Variants in RIMS2 observed in about 807,000 individuals in gnomAD.
RIMS2 encodes the protein regulating synaptic membrane exocytosis 2, also known as regulating synaptic membrane exocytosis protein 2.
Under a neutral mutation model 174.4 loss-of-function variants are expected in RIMS2, and 59 were observed. That is an observed-to-expected ratio of 0.34 (90% CI 0.27 to 0.42). The LOEUF (loss-of-function observed/expected upper bound fraction) is 0.42. Among genes scored for constraint, RIMS2 ranks in the 10% least tolerant of loss-of-function variants. The pLI is 1.00. For missense variants in RIMS2, 1,620 were observed against 1,666.3 expected (o/e 0.97, Z 0.48); for synonymous variants, 606 against 572.5 (o/e 1.06, Z -0.84).
chr8:104,058,625 A>G (rs2096918127), intron 19 of RIMS2, among the ~76,000 whole-genome samples: 1 of 151,586 alleles, frequency 6.6e-6, no homozygotes, highest in South Asian at 2.1e-4. Flanking sequence ...TTGGTGTTTT[A>G]GACATGAAGT....
chr8:103,514,948 CACAA>C (rs1586589400), intron 1 of RIMS2, among the ~76,000 whole-genome samples: 1 of 151,742 alleles, frequency 6.6e-6, no homozygotes, highest in Non-Finnish European at 1.5e-5. Context: ...AAAAAACACA[CACAA>C]AACAAAAAAC....
intron 2 of RIMS2, among the ~76,000 whole-genome samples, chr8:103,763,348 T>A (rs28541426): frequency 0.39 from 58,678 of 151,294 alleles, 11,764 homozygotes; most frequent in African/African-American, 0.44. Flanking sequence ...AGGCAGGAGA[T>A]TCATTTTAAC....
At position 103,936,599 on chromosome 8, in the gene RIMS2, C is replaced by A. The variant is rs762947369; in HGVS notation, c.2424C>A (p.Pro808=). ...AAACAGTAAAGAAAACATTGGAACC[C>A]AAATGGAACCAAACATTCATTTATT... is the stretch of plus-strand genomic sequence containing the variant. The change falls in exon 13 of 24, where the codon CCC becomes CCA. Residue 808 remains proline (P), a synonymous_variant. Transcript: ENST00000504942. 8 of 1,602,374 alleles carry A rather than the reference C, an allele frequency of 5.0e-6. No individual in the cohort carries two copies. In the South Asian group the frequency reaches 9.0e-5, roughly 18 times the overall value.
At chr8:103,591,750 G>T (rs535859427) in intron 1 of RIMS2, among the ~76,000 whole-genome samples, 1 of 151,118 alleles carries the variant, frequency 6.6e-6, no homozygotes, top group East Asian at 1.9e-4. Flanking sequence ...CTGTTCCACT[G>T]ATCTATTTAT....
At chr8:103,834,742 T>TTCTTTCTTTCTCTCTCTCTC (rs1406395709) in intron 3 of RIMS2, among the ~76,000 whole-genome samples, 44 of 109,568 alleles carry the variant, frequency 4.0e-4, no homozygotes, top group African/African-American at 1.7e-3. Flanking sequence ...CTTTCTTTCT[T>TTCTTTCTTTCTCTCTCTCTC]TCTCTCTCTT....
At chr8:103,723,482 G>A (rs2097482672) in intron 2 of RIMS2, among the ~76,000 whole-genome samples, 1 of 152,222 alleles carries the variant, frequency 6.6e-6, no homozygotes, top group African/African-American at 2.4e-5. Flanking sequence ...CAGTGGATGA[G>A]TAGGCCTGAC....
chr8:104,122,560 A>C (rs572252290), intron 19 of RIMS2, among the ~76,000 whole-genome samples: 2 of 152,286 alleles, frequency 1.3e-5, no homozygotes, highest in East Asian at 3.9e-4. Flanking sequence ...GGATGTCAAT[A>C]GGGTTAGGAG....
chr8:104,158,063 A>G (rs1191233102), intron 19 of RIMS2, among the ~76,000 whole-genome samples: 3 of 151,900 alleles, frequency 2.0e-5, no homozygotes, highest in Non-Finnish European at 4.4e-5. Flanking sequence ...CCCTCCCCCA[A>G]TAGGCCCCAG....
At chr8:104,159,105 T>G (rs2098744278) in intron 19 of RIMS2, among the ~76,000 whole-genome samples, 2 of 152,180 alleles carry the variant, frequency 1.3e-5, no homozygotes, top group Non-Finnish European at 2.9e-5. Flanking sequence ...GTTTCAGCTT[T>G]CTACATATGG....
intron 1 of RIMS2, among the ~76,000 whole-genome samples, chr8:103,540,446 C>T (rs1371295737): frequency 1.3e-5 from 2 of 152,184 alleles, no homozygotes; most frequent in Non-Finnish European, 2.9e-5. Context: ...CATAGCGGCA[C>T]CCTCACTGGT....
intron 3 of RIMS2, among the ~76,000 whole-genome samples, chr8:103,847,781 C>T (rs1458824114): frequency 6.6e-6 from 1 of 151,984 alleles, no homozygotes; most frequent in Non-Finnish European, 1.5e-5. Context: ...ATGAGGCATT[C>T]AGCAGAAGCA....
chr8:104,006,751 C>T (rs1230902615), intron 17 of RIMS2, among the ~76,000 whole-genome samples: 20 of 151,032 alleles, frequency 1.3e-4, no homozygotes, highest in Admixed American at 1.3e-3. Flanking sequence ...AGCTCCTAAG[C>T]CTTAACCTTC....
At position 103,939,631 on chromosome 8, in the gene RIMS2, C is replaced by T. The variant is rs142640135; in HGVS notation, c.2547+2909C>T. Among the ~76,000 whole-genome samples, 204 of 152,330 alleles carry T rather than the reference C, an allele frequency of 1.3e-3. 1 individual carries two copies. Among genetic ancestry groups the T allele is most frequent in the African/African-American group, 4.7e-3 (195 of 41,576 alleles). On this transcript the variant is annotated intron_variant, in intron 13 of 23. Coordinates refer to ENST00000504942, the Ensembl canonical transcript of RIMS2. ...TTTCTGCAGCTGGCTTGAATTTTTC[C>T]TCAGAAAATGGGATTTTCTTTTCTA... is the stretch of plus-strand genomic sequence containing the variant.
chr8:104,211,193 T>C (rs2099103775), intron 19 of RIMS2, among the ~76,000 whole-genome samples: 1 of 151,838 alleles, frequency 6.6e-6, no homozygotes, highest in Non-Finnish European at 1.5e-5. Context: ...TAGAGTCGAG[T>C]AGGGGTGGGA....
intron 19 of RIMS2, among the ~76,000 whole-genome samples, chr8:104,226,601 A>C (rs994932888): frequency 6.6e-6 from 1 of 152,200 alleles, no homozygotes; most frequent in African/African-American, 2.4e-5. Flanking sequence ...AGAAATAACT[A>C]CATAATTATA....
intron 2 of RIMS2, among the ~76,000 whole-genome samples, chr8:103,706,929 T>C (rs1274959974): frequency 6.6e-6 from 1 of 152,190 alleles, no homozygotes; most frequent in Non-Finnish European, 1.5e-5. Flanking sequence ...CATATATTTT[T>C]CCCTTGTAGC....
chr8:104,169,025 G>A (rs2098814934), intron 19 of RIMS2, among the ~76,000 whole-genome samples: 1 of 151,834 alleles, frequency 6.6e-6, no homozygotes, highest in Admixed American at 6.6e-5. Flanking sequence ...TTATCTTTTT[G>A]ATATGCTGTT....
At chr8:103,676,286 A>G (rs1233403202) in intron 1 of RIMS2, among the ~76,000 whole-genome samples, 1 of 152,194 alleles carries the variant, frequency 6.6e-6, no homozygotes, top group Non-Finnish European at 1.5e-5. Flanking sequence ...AAAACAATTT[A>G]GTTCAATAGG....
intron 17 of RIMS2, among the ~76,000 whole-genome samples, chr8:104,003,082 C>T (rs1213099195): frequency 1.3e-5 from 2 of 151,910 alleles, no homozygotes; most frequent in African/African-American, 2.4e-5. Context: ...TTAACATTTA[C>T]CTTTGTACCC....
Sources: allele counts gnomAD v4.1 joint callset (sites outside exome capture counted in the v4.1 genomes callset), GRCh38; gene constraint gnomAD v4.1.1; transcripts MANE v1.5; gene names NCBI Gene and HGNC (gene_info 2026-07-23, HGNC 2026-07-21).